The following UBE2W variants were observed in gnomAD, a reference collection of about 807,000 sequenced individuals.
UBE2W encodes ubiquitin-conjugating enzyme E2 W.
Under a neutral mutation model 27.2 loss-of-function variants are expected in UBE2W, and 18 were observed. That is an observed-to-expected ratio of 0.66 (90% confidence interval 0.46 to 0.98). The LOEUF (loss-of-function observed/expected upper bound fraction) is 0.98. Among genes scored for constraint, UBE2W ranks in the 50% least tolerant of loss-of-function variants. UBE2W has a pLI of 0.00. For missense variants in UBE2W, 90 were observed against 180.2 expected, an observed-to-expected ratio of 0.50 and a Z score of 2.87; for synonymous variants, 53 against 57.2, an observed-to-expected ratio of 0.93 and a Z score of 0.33.
intron 1 of UBE2W, among the ~76,000 whole-genome samples, chr8:73,867,887 A>AT (rs553398549): frequency 9.3e-4 from 142 of 152,306 alleles, no homozygotes; most frequent in African/African-American, 3.2e-3. Flanking sequence ...AAAAACCACC[A>AT]TAATAAACAC....
intron 1 of UBE2W, among the ~76,000 whole-genome samples, chr8:73,875,965 T>C (rs1812201879): frequency 6.6e-6 from 1 of 151,956 alleles, no homozygotes; most frequent in African/African-American, 2.4e-5. Flanking sequence ...AGTAGGAGAA[T>C]TGCTAGAACC....
chr8:73,859,168 C>T (rs1192566205), intron 1 of UBE2W, among the ~76,000 whole-genome samples: 1 of 152,086 alleles, frequency 6.6e-6, no homozygotes, highest in African/African-American at 2.4e-5. Flanking sequence ...GACAGCAAGA[C>T]CAAACCCTCC....
chr8:73,784,357 T>A (rs1807898245), downstream of UBE2W, among the ~76,000 whole-genome samples: 1 of 152,144 alleles, frequency 6.6e-6, no homozygotes, highest in Non-Finnish European at 1.5e-5. Flanking sequence ...CAGTAGGCAT[T>A]CAATATTTAA....
chr8:73,819,607 G>T (rs934025919), intron 3 of UBE2W, among the ~76,000 whole-genome samples: 2 of 152,198 alleles, frequency 1.3e-5, no homozygotes, highest in South Asian at 2.1e-4. Context: ...GCTATTTTCT[G>T]TATGGCTGAC....
At position 73,788,736 on chromosome 8, in the gene UBE2W, G is replaced by GA; in HGVS notation, c.*5365dup. 1 of 985,300 alleles carries GA rather than the reference G, an allele frequency of 1.0e-6. No individual in the cohort carries two copies. The highest frequency in any genetic ancestry group is 1.2e-6 in the Non-Finnish European group (1 of 829,906). 61.0% of individuals were successfully genotyped at this position (985,300 alleles called of 1,614,324 possible). A position where few individuals can be genotyped will look rare whatever the true frequency, so the allele number is the denominator to read the frequency against. On this transcript the variant is annotated 3_prime_UTR_variant, in exon 6 of 6. Transcript: ENST00000602593. ...AGAAAACAACTTAGAATTGTTGTAG[G>GA]ACCAATGAGAAAACAACTTAGAATC...
chr8:73,852,725 C>T (rs1811129473), intron 1 of UBE2W, among the ~76,000 whole-genome samples: 1 of 152,112 alleles, frequency 6.6e-6, no homozygotes, highest in African/African-American at 2.4e-5. Flanking sequence ...GAAAAATCTA[C>T]AGCCAGGGTC....
chr8:73,819,725 G>A (rs896714044), intron 3 of UBE2W, among the ~76,000 whole-genome samples: 7 of 152,250 alleles, frequency 4.6e-5, no homozygotes, highest in Non-Finnish European at 8.8e-5. Context: ...GCAAATGACT[G>A]AGCCAAACAT....
At chr8:73,825,591 C>T (rs760150019) in intron 2 of UBE2W, among the ~76,000 whole-genome samples, 1 of 152,182 alleles carries the variant, frequency 6.6e-6, no homozygotes, top group Non-Finnish European at 1.5e-5. Flanking sequence ...ATCACGAGGT[C>T]AGGAGTTTAA....
chr8:73,805,782 A>C (rs1430421937), intron 4 of UBE2W, 56 bp from the exon 5 acceptor site: 1 of 1,040,132 alleles, frequency 9.6e-7, no homozygotes. Flanking sequence ...AGAGGGTGAC[A>C]GTTTTAATAA....
chr8:73,856,335 G>C (rs1402188021), intron 1 of UBE2W, among the ~76,000 whole-genome samples: 3 of 145,036 alleles, frequency 2.1e-5, no homozygotes, highest in Non-Finnish European at 4.5e-5. Flanking sequence ...CTTAAACATA[G>C]ACAAATTATA....
chr8:73,806,044 A>G (rs1007417203), intron 4 of UBE2W, among the ~76,000 whole-genome samples: 31 of 152,148 alleles, frequency 2.0e-4, no homozygotes, highest in Middle Eastern at 3.2e-3. Context: ...AATCCCAGCT[A>G]CTTGGGAGGC....
intron 1 of UBE2W, among the ~76,000 whole-genome samples, chr8:73,847,759 G>A (rs539953260): frequency 1.1e-4 from 16 of 151,990 alleles, no homozygotes; most frequent in South Asian, 4.2e-4. Flanking sequence ...AAAATTAGCC[G>A]GGCATGGTGG....
At chr8:73,855,005 G>C (rs1811227853) in intron 1 of UBE2W, among the ~76,000 whole-genome samples, 1 of 152,172 alleles carries the variant, frequency 6.6e-6, no homozygotes, top group African/African-American at 2.4e-5. Context: ...TTATAAGATG[G>C]AATCATCTAT....
At chr8:73,825,920 T>C (rs1012411572) in intron 2 of UBE2W, among the ~76,000 whole-genome samples, 1 of 152,242 alleles carries the variant, frequency 6.6e-6, no homozygotes, top group African/African-American at 2.4e-5. Flanking sequence ...TGATATTACG[T>C]ATTCTATACA....
chr8:73,792,948 ACT>A lies in UBE2W; in HGVS notation c.*1152_*1153del. On this transcript the variant is annotated 3_prime_UTR_variant, in exon 6 of 6. Coordinates refer to ENST00000602593, the MANE Select transcript of UBE2W (RefSeq NM_018299.6). ...TAAATTTTAAAATAAAAATGTCCAC[ACT>A]CTTTTGTTAAAACATTAAGCCTCTG... The A allele has an allele frequency of 2.0e-6, 2 of 985,680 alleles. No homozygotes were observed. The highest frequency in any genetic ancestry group is 2.4e-6 in the Non-Finnish European group (2 of 829,796). 61.1% of individuals were successfully genotyped at this position (985,680 alleles called of 1,614,324 possible).
chr8:73,865,814 C>G (rs988007510), intron 1 of UBE2W, among the ~76,000 whole-genome samples: 4 of 151,926 alleles, frequency 2.6e-5, no homozygotes, highest in Non-Finnish European at 5.9e-5. Context: ...TAAATTTTAT[C>G]TTATGGACTA....
chr8:73,855,394 CTTTTTTT>C lies in UBE2W; in HGVS notation c.15+23407_15+23413del, dbSNP rs66577299. ...ATACTTCATCTTTATATTCTACTTT[CTTTTTTT>C]TTTTTTTTTTTTTTTTTTGAGACAA... On this transcript the variant is annotated intron_variant, in intron 1 of 5. Transcript: ENST00000602593. 9.3e-4 allele frequency among the ~76,000 whole-genome samples: 79 copies of C among 84,716 alleles called. No homozygotes were observed. The East Asian group carries it at 0.01, about 11-fold the overall frequency. 55.6% of individuals were successfully genotyped at this position (84,716 alleles called of 152,430 possible).
intron 3 of UBE2W, among the ~76,000 whole-genome samples, chr8:73,821,016 T>G (rs866718322): frequency 2.0e-5 from 3 of 152,186 alleles, no homozygotes; most frequent in Admixed American, 6.5e-5. Context: ...TGAGAATAAC[T>G]GACCTAGAGC....
At chr8:73,785,691 A>T (rs1372891940), downstream of UBE2W, among the ~76,000 whole-genome samples, 1 of 152,148 alleles carries the variant, frequency 6.6e-6, no homozygotes, top group Non-Finnish European at 1.5e-5. Flanking sequence ...TCCCGGATTC[A>T]AGCTATTCTC....
Sources: gnomAD v4.1 joint callset for allele counts (sites outside exome capture counted in the v4.1 genomes callset) on GRCh38, gnomAD v4.1.1 for gene constraint, MANE v1.5 for transcripts, NCBI Gene and HGNC (gene_info 2026-07-23, HGNC 2026-07-21) for gene names.